The following ANKRD11 variants were observed in gnomAD, a reference collection of about 807,000 sequenced individuals.
The protein encoded by ANKRD11 is ankyrin repeat domain-containing protein 11.
ANKRD11 carries 17 observed loss-of-function variants against 195.7 expected under a neutral mutation model. The ratio of observed to expected loss-of-function variants is 0.09; its 90% confidence interval spans 0.06 to 0.13. ANKRD11 has a LOEUF of 0.13. ANKRD11 is among the 10% of genes least tolerant of loss of function. The pLI is 1.00. For synonymous variants in ANKRD11, 1,953 were observed against 1,528.1 expected (o/e 1.28, Z -6.49); for missense variants, 3,735 against 3,566.1 (o/e 1.05, Z -1.21).
Position 89,313,483 on chromosome 16 carries a change from G to A in ANKRD11, c.87+3450C>T, listed in dbSNP as rs922465099. On this transcript the variant is annotated intron_variant, in intron 3 of 12. Coordinates refer to ENST00000301030, the MANE Select transcript of ANKRD11 (RefSeq NM_013275.6). The stretch of plus-strand genomic sequence containing the variant: ...CTCACTGGTGCAGCCAAAGGGACAC[G>A]CACAAGCCGTCAGGTCAGCGCGGCA... 7 of 1,289,080 alleles carry A rather than the reference G, an allele frequency of 5.4e-6. No individual in the cohort carries two copies. The African/African-American group carries it at 6.1e-5, about 11-fold the overall frequency. The allele number at this position is 1,289,080 out of a possible 1,614,324, so 79.9% of individuals were successfully genotyped here.
intron 1 of ANKRD11, among the ~76,000 whole-genome samples, chr16:89,489,554 T>A (rs2057740329): frequency 6.8e-6 from 1 of 147,876 alleles, no homozygotes; most frequent in African/African-American, 2.5e-5. Context: ...AGCCGCCTGC[T>A]CTCATTTCAA....
rs565635390 is a variant in ANKRD11 at position 89,273,289 on chromosome 16, C to T, written c.7713+1525G>A. On this transcript the variant is annotated intron_variant, in intron 11 of 12. Transcript: ENST00000301030. ...CGAGCTGGTCCTCCTCATTTTTGCTCTGTACAGAGCTGTCCTGACTGCCTG... is the reference window on the plus strand; with the variant it reads ...CGAGCTGGTCCTCCTCATTTTTGCTTTGTACAGAGCTGTCCTGACTGCCTG... Among the ~76,000 whole-genome samples the T allele has an allele frequency of 2.0e-5, 3 of 152,284 alleles. No homozygotes were observed. The South Asian group carries it at 6.2e-4, about 32-fold the overall frequency.
At chr16:89,470,034 T>G (rs911935563) in intron 1 of ANKRD11, among the ~76,000 whole-genome samples, 1 of 149,986 alleles carries the variant, frequency 6.7e-6, no homozygotes, top group Non-Finnish European at 1.5e-5. Context: ...GCCTCTCGAG[T>G]AGCTGGGACT....
intron 2 of ANKRD11, among the ~76,000 whole-genome samples, chr16:89,417,947 G>T (rs769882764): frequency 3.9e-5 from 6 of 152,220 alleles, no homozygotes; most frequent in Non-Finnish European, 7.3e-5. Context: ...CACAGGGTGG[G>T]GGTCTCAGTC....
At chr16:89,297,642 AT>A (rs2151831902) in intron 4 of ANKRD11, 1 of 152,370 alleles carries the variant, frequency 6.6e-6, no homozygotes, top group South Asian at 2.1e-4. Flanking sequence ...GCGCAACCAT[AT>A]TCCCACTGAC....
At chr16:89,340,135 A>G (rs963835100) in intron 2 of ANKRD11, among the ~76,000 whole-genome samples, 47 of 152,360 alleles carry the variant, frequency 3.1e-4, no homozygotes, top group Admixed American at 3.0e-3. Context: ...TTACATATCT[A>G]AAGTTTATAA....
At chr16:89,485,878 A>AAGC (rs1416793478) in intron 1 of ANKRD11, among the ~76,000 whole-genome samples, 1 of 152,132 alleles carries the variant, frequency 6.6e-6, no homozygotes, top group African/African-American at 2.4e-5. Context: ...TAATCCTCAT[A>AAGC]AGCAGCAGCA....
chr16:89,405,578 C>T (rs942299840), intron 2 of ANKRD11, among the ~76,000 whole-genome samples: 2 of 151,338 alleles, frequency 1.3e-5, no homozygotes, highest in African/African-American at 4.9e-5. Flanking sequence ...CAGCAATCCT[C>T]CCGCCTCAGC....
chr16:89,362,207 C>T (rs975866691), intron 2 of ANKRD11, among the ~76,000 whole-genome samples: 2 of 152,172 alleles, frequency 1.3e-5, no homozygotes, highest in African/African-American at 4.8e-5. Flanking sequence ...CTTCTTCTTC[C>T]CCTTCTGAAA....
intron 1 of ANKRD11, among the ~76,000 whole-genome samples, chr16:89,474,126 C>A (rs1406201175): frequency 2.0e-5 from 3 of 152,132 alleles, no homozygotes; most frequent in Non-Finnish European, 4.4e-5. Context: ...TAACTTCTGC[C>A]ACAACCTGAA....
chr16:89,279,949 C>T lies in ANKRD11; in HGVS notation c.6593G>A (p.Arg2198Gln), dbSNP rs751378641. Residue 2198 changes from arginine to glutamine, a missense_variant, in exon 9 of 13, where the codon CGG (arginine) becomes CAG (glutamine). Coordinates refer to ENST00000301030, the MANE Select transcript of ANKRD11 (RefSeq NM_013275.6). The surrounding 1 kb of genome is among the most constrained non-coding windows in gnomAD (Gnocchi z 5.6). ...CTCAGGCTCGAGCTCTGCAGGGAGC[C>T]GGGTGGAGGCCTGGTCAGGAGGCAG... ...PALPPDQAST[R>Q]LPAELEPEPS... 38 of 1,609,936 alleles carry T rather than the reference C, an allele frequency of 2.4e-5. No individual in the cohort carries two copies. The highest frequency in any genetic ancestry group is 2.0e-4 in the African/African-American group (15 of 74,896).
intron 1 of ANKRD11, chr16:89,420,053 T>C (rs1216740849): frequency 1.3e-5 from 2 of 152,266 alleles, no homozygotes; most frequent in African/African-American, 2.4e-5. Context: ...CGTGCGCCTG[T>C]AGCCGGAGCT....
In ANKRD11 at chr16:89,486,447, C is replaced by CAA. The variant is rs113833196; in HGVS notation, c.-145+3796_-145+3797dup. 1.3e-3 allele frequency among the ~76,000 whole-genome samples: 131 copies of CAA among 103,360 alleles called. 1 individual carries two copies. Among genetic ancestry groups the CAA allele is most frequent in the African/African-American group, 3.5e-3 (101 of 29,088 alleles). 67.8% of individuals were successfully genotyped at this position (103,360 alleles called of 152,430 possible). A position where few individuals can be genotyped will look rare whatever the true frequency, so the allele number is the denominator to read the frequency against. ...TGAGCAACACACCGAGACCCTGCCT[C>CAA]AAAAAAAAAAAAAAAAGACTTACTA... On this transcript the variant is annotated intron_variant, in intron 1 of 12. Transcript: ENST00000301030.
chr16:89,277,001 A>G (rs1186102352), intron 9 of ANKRD11, among the ~76,000 whole-genome samples: 1 of 151,148 alleles, frequency 6.6e-6, no homozygotes, highest in Admixed American at 6.6e-5. Flanking sequence ...GCTTGCAGTG[A>G]GCCGACATCA....
At chr16:89,309,904 C>T (rs1246893457) in intron 3 of ANKRD11, among the ~76,000 whole-genome samples, 1 of 152,212 alleles carries the variant, frequency 6.6e-6, no homozygotes, top group East Asian at 1.9e-4. Flanking sequence ...ATGACCCTGC[C>T]GGGCCCCACC....
intron 2 of ANKRD11, chr16:89,412,510 T>G (rs1207505388): frequency 1.3e-5 from 2 of 152,324 alleles, no homozygotes; most frequent in East Asian, 1.9e-4. Flanking sequence ...GTGGCAATGA[T>G]GTATTAAGAC....
intron 1 of ANKRD11, among the ~76,000 whole-genome samples, chr16:89,441,784 A>AAAAAAAC (rs1224872254): frequency 5.7e-5 from 8 of 139,652 alleles, no homozygotes; most frequent in Non-Finnish European, 1.1e-4. Flanking sequence ...AAAAAAAAAA[A>AAAAAAAC]AAAAAAAAAC....
At chr16:89,368,608 TAAA>T (rs34142081) in intron 2 of ANKRD11, among the ~76,000 whole-genome samples, 7 of 131,628 alleles carry the variant, frequency 5.3e-5, no homozygotes, top group Non-Finnish European at 8.2e-5. Flanking sequence ...ACGCAGCTCT[TAAA>T]AAAAAAAAAA....
intron 1 of ANKRD11, among the ~76,000 whole-genome samples, chr16:89,473,752 G>A (rs558050962): frequency 5.3e-5 from 8 of 152,326 alleles, no homozygotes; most frequent in African/African-American, 1.4e-4. Flanking sequence ...GACCCTAGGT[G>A]AGCCTGGCAA....
Sources: gnomAD v4.1 joint callset for allele counts (sites outside exome capture counted in the v4.1 genomes callset) on GRCh38, gnomAD v4.1.1 for gene constraint, Gnocchi (gnomAD v3.1) non-coding constraint, MANE v1.5 for transcripts, NCBI Gene and HGNC (gene_info 2026-07-23, HGNC 2026-07-21) for gene names.